USP42: variants seen among roughly 807,000 people sequenced by gnomAD.
USP42 encodes the protein ubiquitin specific peptidase 42.
Under a neutral mutation model 113.0 loss-of-function variants are expected in USP42, and 23 were observed. The observed-to-expected ratio is 0.20, with a 90% confidence interval of 0.15 to 0.29. The LOEUF is 0.29. Ranked by LOEUF, USP42 falls within the 10% of genes least tolerant of loss-of-function variation. USP42 has a pLI of 1.00. For synonymous variants in USP42, 933 were observed against 699.0 expected (o/e 1.33, Z -5.28); for missense variants, 2,174 against 1,779.8 (o/e 1.22, Z -3.99).
chr7:6,127,242 A>G (rs1273005421), intron 3 of USP42, among the ~76,000 whole-genome samples: 1 of 152,158 alleles, frequency 6.6e-6, no homozygotes, highest in African/African-American at 2.4e-5. Flanking sequence ...CATCTGTAGC[A>G]TGTCTTCATC....
At chr7:6,136,256 C>T (rs932336929) in intron 4 of USP42, among the ~76,000 whole-genome samples, 4 of 151,944 alleles carry the variant, frequency 2.6e-5, no homozygotes, top group Non-Finnish European at 2.9e-5. Flanking sequence ...CACCTGCCTC[C>T]GCCTCCCAAA....
chr7:6,117,240 C>T (rs117861122), intron 3 of USP42, among the ~76,000 whole-genome samples: 2,005 of 152,184 alleles, frequency 0.013, 28 homozygotes, highest in Middle Eastern at 0.037. Context: ...ATCTGCTTTC[C>T]GTCACTATAG....
Position 6,159,966 on chromosome 7 carries a change from A to AC in USP42, c.*36+475dup, listed in dbSNP as rs1373424010. On this transcript the variant is annotated intron_variant, in intron 17 of 17. Coordinates refer to ENST00000306177, the MANE Select transcript of USP42 (RefSeq NM_032172.3). This position sits in a 1 kb window ranked among gnomAD's most constrained non-coding sequence, Gnocchi z 4.1. ...TGGAGCCAGCACCCCCCCAGCAGCC[A>AC]CCGTACAAAACCATAGGAAGGTGGC... Among the ~76,000 whole-genome samples the AC allele has an allele frequency of 6.6e-6, 1 of 152,164 alleles. No homozygotes were observed. The highest frequency in any genetic ancestry group is 2.4e-5 in the African/African-American group (1 of 41,446).
chr7:6,103,193 T>G (rs546959999), upstream of USP42, among the ~76,000 whole-genome samples: 83 of 151,026 alleles, frequency 5.5e-4, 1 homozygote, highest in South Asian at 3.7e-3. Flanking sequence ...TGTGTGGATC[T>G]GGCACTCTGG....
At position 6,159,564 on chromosome 7, in the gene USP42, A is replaced by T; in HGVS notation, c.*36+71A>T. Reference sequence around the variant, plus strand: ...GAGGGGACGCAGGCAGAGGAGTTTTAATTCTGCGGCTCTGCCTGGGGGCTG... The same window carrying T: ...GAGGGGACGCAGGCAGAGGAGTTTTTATTCTGCGGCTCTGCCTGGGGGCTG... On this transcript the variant is annotated intron_variant, in intron 17 of 17. Transcript: ENST00000306177. The surrounding 1 kb of genome is among the most constrained non-coding windows in gnomAD (Gnocchi z 4.1). The T allele has an allele frequency of 6.8e-7, 1 of 1,472,856 alleles. No homozygotes were observed. 91.2% of individuals were successfully genotyped at this position (1,472,856 alleles called of 1,614,324 possible).
At chr7:6,104,608 C>T (rs935436877), upstream of USP42, among the ~76,000 whole-genome samples, 6 of 152,206 alleles carry the variant, frequency 3.9e-5, no homozygotes, top group Non-Finnish European at 7.3e-5. Flanking sequence ...CTACGCCCGC[C>T]GCGCGCCGTC....
chr7:6,137,264 C>G (rs548538909), intron 4 of USP42, among the ~76,000 whole-genome samples: 1 of 152,316 alleles, frequency 6.6e-6, no homozygotes, highest in South Asian at 2.1e-4. Context: ...TATTGATAGA[C>G]CACAACAGAC....
At chr7:6,091,343 G>T in the USP42 span, among the ~76,000 whole-genome samples, 1 of 150,380 alleles carries the variant, frequency 6.6e-6, no homozygotes, top group South Asian at 2.1e-4. Context: ...TCCCACCTCC[G>T]CCTCCCTCAA....
At chr7:6,097,046 A>G in the USP42 span, among the ~76,000 whole-genome samples, 1 of 150,378 alleles carries the variant, frequency 6.6e-6, no homozygotes, top group Non-Finnish European at 1.5e-5. Flanking sequence ...AGCTGTGACT[A>G]CAGGCACATG....
the USP42 span, among the ~76,000 whole-genome samples, chr7:6,093,530 G>A: frequency 2.7e-5 from 4 of 150,704 alleles, no homozygotes; most frequent in East Asian, 1.9e-4. Flanking sequence ...CGATTCTCCC[G>A]CCTCAGCCTC....
chr7:6,151,925 A>G (rs866363619), intron 14 of USP42, among the ~76,000 whole-genome samples: 1 of 152,186 alleles, frequency 6.6e-6, no homozygotes, highest in African/African-American at 2.4e-5. Context: ...ATGGACCGCC[A>G]TCATATGTGG....
intron 2 of USP42, among the ~76,000 whole-genome samples, 186 bp from the exon 3 acceptor site, chr7:6,115,137 G>A (rs1010112321): frequency 3.2e-4 from 49 of 152,262 alleles, no homozygotes; most frequent in Middle Eastern, 3.4e-3. Flanking sequence ...GGAGAAACCA[G>A]ATCATTGAAA....
At chr7:6,134,214 C>G (rs1167827490) in intron 3 of USP42, among the ~76,000 whole-genome samples, 4 of 152,088 alleles carry the variant, frequency 2.6e-5, no homozygotes, top group African/African-American at 9.7e-5. Context: ...TTAATGTATT[C>G]TTCCATTTTT....
intron 14 of USP42, 121 bp from the exon 15 acceptor site, chr7:6,153,635 A>G: frequency 8.1e-7 from 1 of 1,227,398 alleles, no homozygotes; most frequent in Non-Finnish European, 1.1e-6. Context: ...AAGTATAATA[A>G]TAATAAAATA....
At chr7:6,146,007 TTGCAAGATCACGCCAC>T in intron 10 of USP42, 125 bp from the exon 11 acceptor site, 1 of 698,628 alleles carries the variant, frequency 1.4e-6, no homozygotes, top group Non-Finnish European at 2.4e-6. Context: ...GAGGTGGAGA[TTGCAAGATCACGCCAC>T]TGCACTCCAG....
chr7:6,088,827 G>A, the USP42 span: 1 of 150,920 alleles, frequency 6.6e-6, no homozygotes. Flanking sequence ...CAAGCATAGA[G>A]ATGATGGACG....
intron 3 of USP42, among the ~76,000 whole-genome samples, chr7:6,126,654 C>T (rs1363298972): frequency 6.6e-6 from 1 of 152,016 alleles, no homozygotes; most frequent in African/African-American, 2.4e-5. Flanking sequence ...TTTGGGATAT[C>T]GTGAGTGGAG....
chr7:6,116,513 A>T, intron 3 of USP42: 1 of 258,962 alleles, frequency 3.9e-6, no homozygotes, highest in Non-Finnish European at 7.4e-6. Flanking sequence ...GCTCAGATTC[A>T]TGTGTGTATG....
rs374046009 is a variant in USP42, at chr7:6,149,970, G to T, written c.1774G>T (p.Val592Leu). Residue 592 changes from valine (V) to leucine (L), a missense_variant, in exon 13 of 18, where the codon GTG becomes TTG. Physicochemically the swap from Val to Leu is conservative, Grantham distance 32 (BLOSUM62 1). Coordinates refer to ENST00000306177, the MANE Select transcript of USP42 (RefSeq NM_032172.3). ...CCGCAGTGAATCCTGCTCCCAGCCC[G>T]TGATGAATGGCAAATCCAAGCTGAA... ...IPRSESCSQPVMNGKSKLNSS... is the reference protein window; with the variant it reads ...IPRSESCSQPLMNGKSKLNSS... 7.7e-5 allele frequency: 125 copies of T among 1,613,748 alleles called. No individual in the cohort carries two copies. Among genetic ancestry groups the T allele is most frequent in the Non-Finnish European group, 1.0e-4 (121 of 1,179,830 alleles).
Sources: gnomAD v4.1 joint callset for allele counts (sites outside exome capture counted in the v4.1 genomes callset) on GRCh38, gnomAD v4.1.1 for gene constraint, Gnocchi (gnomAD v3.1) non-coding constraint, MANE v1.5 for transcripts, NCBI Gene and HGNC (gene_info 2026-07-23, HGNC 2026-07-21) for gene names.